Variants in CDH7 observed in about 807,000 individuals in gnomAD.
CDH7 encodes the protein cadherin 7.
A neutral mutation model predicts 71.8 loss-of-function variants in CDH7; 25 were observed. The ratio of observed to expected loss-of-function variants is 0.35; its 90% CI spans 0.25 to 0.49. The LOEUF (loss-of-function observed/expected upper bound fraction) is 0.49, where lower values mean the gene tolerates loss of function less well. Ranked by LOEUF, CDH7 falls within the 20% of genes least tolerant of loss-of-function variation. The pLI is 0.99. For missense variants in CDH7, 862 were observed against 974.6 expected (o/e 0.88, Z 1.54); for synonymous variants, 381 against 363.8 (o/e 1.05, Z -0.54).
Position 65,824,661 on chromosome 18 carries a change from G to T in CDH7, c.811G>T (p.Val271Phe). ...TTTCACAGGGTCTTATCAATATAAC[G>T]TCCCAGAGTCATTACCTGTAGCCTC... ...RFPRRSYQYN[V>F]PESLPVASVV... Residue 271 changes from valine to phenylalanine, a missense_variant, in exon 6 of 12, where the codon GTC becomes TTC. Transcript: ENST00000397968. The T allele has an allele frequency of 1.3e-6, 2 of 1,599,390 alleles. No homozygotes were observed. The highest frequency in any genetic ancestry group is 1.7e-6 in the Non-Finnish European group (2 of 1,171,278).
intron 2 of CDH7, among the ~76,000 whole-genome samples, chr18:65,785,304 A>C (rs1364084277): frequency 6.6e-6 from 1 of 152,128 alleles, no homozygotes; most frequent in Non-Finnish European, 1.5e-5. Context: ...TGTTCTGTAG[A>C]GATAGCATGA....
At chr18:65,826,947 T>C (rs891236379) in intron 6 of CDH7, among the ~76,000 whole-genome samples, 1 of 151,620 alleles carries the variant, frequency 6.6e-6, no homozygotes, top group Non-Finnish European at 1.5e-5. Context: ...TTTAATAAAT[T>C]ATGATTAAAA....
At chr18:65,832,085 T>C (rs957106890) in intron 6 of CDH7, among the ~76,000 whole-genome samples, 2 of 152,190 alleles carry the variant, frequency 1.3e-5, no homozygotes, top group African/African-American at 2.4e-5. Context: ...AATGTCCATC[T>C]GGATAGAGTC....
intron 2 of CDH7, chr18:65,803,280 C>T (rs1243995792): frequency 6.6e-6 from 1 of 152,082 alleles, no homozygotes; most frequent in Non-Finnish European, 1.5e-5. Context: ...CCTAGAATGG[C>T]TGTTTCTCAC....
At position 65,889,734 on chromosome 18, in the gene CDH7, A is replaced by G. The variant is rs541017524; in HGVS notation, c.*8840A>G. On this transcript the variant is annotated 3_prime_UTR_variant, in exon 12 of 12. Transcript: ENST00000397968. The stretch of plus-strand genomic sequence containing the variant: ...AAGCTAGAAGTACTATGGAGATTGT[A>G]TATACTATATTAGACACTGTGCAAG... 7.2e-5 allele frequency: 11 copies of G among 152,306 alleles called. No homozygotes were observed. The East Asian group carries it at 1.7e-3, about 24-fold the overall frequency. 9.4% of individuals were successfully genotyped at this position (152,306 alleles called of 1,614,324 possible).
At chr18:65,795,197 A>G (rs1910865963) in intron 2 of CDH7, among the ~76,000 whole-genome samples, 1 of 152,220 alleles carries the variant, frequency 6.6e-6, no homozygotes. Context: ...GCTCATAACA[A>G]TGATTACTAA....
intron 4 of CDH7, among the ~76,000 whole-genome samples, chr18:65,819,258 G>A (rs1031956036): frequency 6.6e-5 from 10 of 152,050 alleles, no homozygotes; most frequent in East Asian, 3.9e-4. Flanking sequence ...CCCACTCCTC[G>A]ATTTGCATGT....
At chr18:65,875,799 A>T (rs1190160299) in intron 11 of CDH7, among the ~76,000 whole-genome samples, 1 of 152,102 alleles carries the variant, frequency 6.6e-6, no homozygotes, top group Admixed American at 6.6e-5. Flanking sequence ...GTGGTGGTGC[A>T]TGGCTGTAGT....
intron 11 of CDH7, among the ~76,000 whole-genome samples, chr18:65,875,853 C>G (rs1479689437): frequency 6.6e-6 from 1 of 152,056 alleles, no homozygotes; most frequent in African/African-American, 2.4e-5. Flanking sequence ...TGCTTGAGCT[C>G]AAGAGGTCGA....
chr18:65,811,187 T>TA (rs36078345), intron 3 of CDH7, among the ~76,000 whole-genome samples: 23 of 147,196 alleles, frequency 1.6e-4, no homozygotes, highest in African/African-American at 5.4e-4. Context: ...TGTGATTTAT[T>TA]AAAAAAAAAA....
intron 7 of CDH7, among the ~76,000 whole-genome samples, chr18:65,856,955 C>T (rs1019250345): frequency 2.7e-4 from 41 of 151,298 alleles, no homozygotes; most frequent in Admixed American, 2.4e-3. Flanking sequence ...GCCATGCAAT[C>T]TCAGGGGTTC....
chr18:65,793,367 A>G (rs896309555), intron 2 of CDH7, among the ~76,000 whole-genome samples: 1 of 150,040 alleles, frequency 6.7e-6, no homozygotes, highest in Non-Finnish European at 1.5e-5. Flanking sequence ...TGAGAGGTGG[A>G]GTCTTGTAGT....
intron 2 of CDH7, among the ~76,000 whole-genome samples, chr18:65,778,241 C>CAGCAT (rs1910026100): frequency 7.3e-6 from 1 of 136,656 alleles, no homozygotes. Flanking sequence ...TACTGCACTC[C>CAGCAT]AGCATGGGTG....
At chr18:65,805,709 G>A (rs1160019219) in intron 2 of CDH7, among the ~76,000 whole-genome samples, 3 of 152,196 alleles carry the variant, frequency 2.0e-5, no homozygotes, top group East Asian at 1.9e-4. Context: ...ATGCCCAGGG[G>A]CCGATCCATC....
In CDH7 at chr18:65,858,977, C is replaced by A; in HGVS notation, c.1425C>A (p.Ile475=). Residue 475 remains isoleucine, a synonymous_variant, in exon 9 of 12, where the codon ATC becomes ATA. Transcript: ENST00000397968. Reference sequence around the variant, plus strand: ...ATGTGGCCATCACTATACTTGACATCAATGATAACGCCCCTGAATTTGCCA... The same window carrying A: ...ATGTGGCCATCACTATACTTGACATAAATGATAACGCCCCTGAATTTGCCA... The part of the protein sequence containing the change: ...RGYVAITILD[I]NDNAPEFAMD... 1 of 1,612,158 alleles carries A rather than the reference C, an allele frequency of 6.2e-7. No individual in the cohort carries two copies. The highest frequency in any genetic ancestry group is 8.5e-7 in the Non-Finnish European group (1 of 1,178,302).
At chr18:65,867,431 CAT>C (rs1913798424) in intron 11 of CDH7, among the ~76,000 whole-genome samples, 1 of 152,084 alleles carries the variant, frequency 6.6e-6, no homozygotes, top group African/African-American at 2.4e-5. Context: ...CACTTACAGA[CAT>C]ACACAATTAT....
At chr18:65,803,479 T>G (rs187317493) in intron 2 of CDH7, 92 of 152,292 alleles carry the variant, frequency 6.0e-4, no homozygotes, top group African/African-American at 1.9e-3. Context: ...ACCACACGTC[T>G]TCATTAGAGA....
chr18:65,874,101 C>G (rs1914003115), intron 11 of CDH7, among the ~76,000 whole-genome samples: 1 of 152,024 alleles, frequency 6.6e-6, no homozygotes, highest in Non-Finnish European at 1.5e-5. Context: ...AAAGTCACTG[C>G]CCTTCATATG....
At chr18:65,839,998 T>C (rs1293873931) in intron 6 of CDH7, among the ~76,000 whole-genome samples, 1 of 152,170 alleles carries the variant, frequency 6.6e-6, no homozygotes, top group Non-Finnish European at 1.5e-5. Context: ...ATGAAAACCA[T>C]ACAGAATTTA....
Sources: gnomAD v4.1 joint callset for allele counts (sites outside exome capture counted in the v4.1 genomes callset) on GRCh38, gnomAD v4.1.1 for gene constraint, MANE v1.5 for transcripts, NCBI Gene and HGNC (gene_info 2026-07-23, HGNC 2026-07-21) for gene names.